Variants in ADGRB3 observed in about 807,000 individuals in gnomAD.
ADGRB3 encodes the protein brain-specific angiogenesis inhibitor 3.
ADGRB3 carries 37 observed loss-of-function variants against 193.4 expected under a neutral mutation model. The ratio of observed to expected loss-of-function variants is 0.19; its 90% CI spans 0.15 to 0.25. The LOEUF (loss-of-function observed/expected upper bound fraction) is 0.25. Among genes scored for constraint, ADGRB3 ranks in the 10% least tolerant of loss-of-function variants. The probability of loss-of-function intolerance (pLI) is 1.00; values close to 1 mark genes in which losing one functional copy is unlikely to be tolerated. For missense variants in ADGRB3, 1,637 were observed against 1,852.9 expected, an observed-to-expected ratio of 0.88 and a Z score of 2.14; for synonymous variants, 690 against 644.2, an observed-to-expected ratio of 1.07 and a Z score of -1.08.
intron 20 of ADGRB3, among the ~76,000 whole-genome samples, chr6:69,297,122 G>A (rs1467073666): frequency 2.6e-5 from 4 of 152,008 alleles, no homozygotes; most frequent in African/African-American, 7.2e-5. Context: ...ATAAGAGTTT[G>A]GTCAGCAACC....
At position 68,932,265 on chromosome 6, in the gene ADGRB3, T is replaced by C. The variant is rs555538046; in HGVS notation, c.868+1596T>C. ...CAATAGGAAGTGAAATGGAAAATGA[T>C]AGTTTTAAATTTCCAATAGCGTAAC... On this transcript the variant is annotated intron_variant, in intron 4 of 31. Coordinates refer to ENST00000370598, the MANE Select transcript of ADGRB3 (RefSeq NM_001704.3). 4.6e-5 allele frequency among the ~76,000 whole-genome samples: 7 copies of C among 152,306 alleles called. No individual in the cohort carries two copies. In the South Asian group the frequency reaches 1.2e-3, roughly 27 times the overall value.
At position 69,062,966 on chromosome 6, in the gene ADGRB3, TG is replaced by T; in HGVS notation, c.2368del (p.Val790SerfsTer3). The part of the protein sequence containing the change: ...NYTVINSKII[V>X]VTIRPEPKTT... ...ACTGTCATTAATTCCAAAATCATCG[TG>T]GTCACAATAAGGCCTGAACCCAAAA... On this transcript the variant is annotated frameshift_variant, in exon 16 of 32. Coordinates refer to ENST00000370598, the MANE Select transcript of ADGRB3 (RefSeq NM_001704.3). LOFTEE classifies it high-confidence loss of function. 6.2e-7 allele frequency: 1 copy of T among 1,612,020 alleles called. No individual in the cohort carries two copies. Among genetic ancestry groups the T allele is most frequent in the South Asian group, 1.1e-5 (1 of 90,974 alleles).
At chr6:69,206,481 T>C (rs1765544111) in intron 17 of ADGRB3, among the ~76,000 whole-genome samples, 1 of 152,212 alleles carries the variant, frequency 6.6e-6, no homozygotes, top group South Asian at 2.1e-4. Context: ...CTTTGTCAAC[T>C]TGAACCCATA....
At chr6:68,768,343 A>G (rs1443118380) in intron 3 of ADGRB3, among the ~76,000 whole-genome samples, 1 of 152,178 alleles carries the variant, frequency 6.6e-6, no homozygotes, top group East Asian at 1.9e-4. Context: ...CAAAACAGAT[A>G]TCTAGACCAA....
At chr6:68,803,972 A>C (rs1038866933) in intron 3 of ADGRB3, among the ~76,000 whole-genome samples, 1 of 152,148 alleles carries the variant, frequency 6.6e-6, no homozygotes, top group Non-Finnish European at 1.5e-5. Flanking sequence ...AATATTGCTC[A>C]CACTTGATTT....
At chr6:69,227,246 G>T (rs1313074676) in intron 17 of ADGRB3, among the ~76,000 whole-genome samples, 1 of 152,142 alleles carries the variant, frequency 6.6e-6, no homozygotes, top group Non-Finnish European at 1.5e-5. Flanking sequence ...AGTTGGGAGT[G>T]GTGGGCGAAT....
intron 17 of ADGRB3, among the ~76,000 whole-genome samples, chr6:69,192,313 G>A (rs963875320): frequency 1.3e-5 from 2 of 152,080 alleles, no homozygotes; most frequent in African/African-American, 2.4e-5. Flanking sequence ...GTGGATGCAC[G>A]GGAGAAAGAT....
intron 28 of ADGRB3, among the ~76,000 whole-genome samples, chr6:69,359,067 A>G (rs952548218): frequency 6.6e-6 from 1 of 151,726 alleles, no homozygotes; most frequent in Non-Finnish European, 1.5e-5. Context: ...CACAGTACCA[A>G]TACTTCCTTT....
intron 3 of ADGRB3, among the ~76,000 whole-genome samples, chr6:68,756,920 G>A (rs1481246625): frequency 6.6e-6 from 1 of 152,050 alleles, no homozygotes; most frequent in Non-Finnish European, 1.5e-5. Flanking sequence ...AGCAGAGTTG[G>A]CAGTGCTGTT....
intron 11 of ADGRB3, among the ~76,000 whole-genome samples, chr6:68,996,258 T>G (rs762096774): frequency 2.0e-5 from 3 of 152,180 alleles, no homozygotes; most frequent in Non-Finnish European, 2.9e-5. Context: ...CCTCTCTCTT[T>G]CCACTACTGT....
intron 3 of ADGRB3, among the ~76,000 whole-genome samples, chr6:68,853,996 T>A (rs1038716736): frequency 6.6e-6 from 1 of 152,198 alleles, no homozygotes; most frequent in East Asian, 1.9e-4. Context: ...TAATTCTTAA[T>A]TCTGCACTGC....
intron 3 of ADGRB3, among the ~76,000 whole-genome samples, chr6:68,924,871 T>C (rs1582319468): frequency 6.6e-6 from 1 of 151,940 alleles, no homozygotes; most frequent in East Asian, 1.9e-4. Flanking sequence ...TTTCTACTAT[T>C]TTTAATATTG....
intron 3 of ADGRB3, among the ~76,000 whole-genome samples, chr6:68,811,350 T>C (rs188842720): frequency 5.8e-4 from 88 of 152,336 alleles, no homozygotes; most frequent in Non-Finnish European, 1.0e-3. Flanking sequence ...TAAGTTTATA[T>C]ATAACATAAG....
chr6:69,207,023 C>G (rs575732009), intron 17 of ADGRB3, among the ~76,000 whole-genome samples: 33 of 152,316 alleles, frequency 2.2e-4, no homozygotes, highest in Non-Finnish European at 4.3e-4. Context: ...CTGACCTCCA[C>G]TGTGGAGTAG....
chr6:69,044,042 AAAAAACAAAAAC>A (rs899792598), intron 13 of ADGRB3, among the ~76,000 whole-genome samples: 1 of 152,150 alleles, frequency 6.6e-6, no homozygotes, highest in South Asian at 2.1e-4. Context: ...CTCCGTCTCA[AAAAAACAAAAAC>A]AAAAACAAAA....
Position 68,786,902 on chromosome 6 carries a change from TTC to T in ADGRB3, c.758-143653_758-143652del, listed in dbSNP as rs574741811. Among the ~76,000 whole-genome samples the T allele has an allele frequency of 2.3e-3, 352 of 152,148 alleles. 1 individual carries two copies. The highest frequency in any genetic ancestry group is 8.1e-3 in the African/African-American group (335 of 41,492). On this transcript the variant is annotated intron_variant, in intron 3 of 31. Coordinates refer to ENST00000370598, the MANE Select transcript of ADGRB3 (RefSeq NM_001704.3). ...GTAAGTTGGATTCCTAGGTATTTTA[TTC>T]TCTTTGAGGCAATTGTGAATGGGCG...
chr6:68,643,474 C>T (rs574749155), intron 3 of ADGRB3, among the ~76,000 whole-genome samples: 2 of 116,646 alleles, frequency 1.7e-5, no homozygotes, highest in East Asian at 5.0e-4. Flanking sequence ...ATGTCACTGC[C>T]AGGATGCCAT....
chr6:69,229,659 C>T lies in ADGRB3; in HGVS notation c.2481-3631C>T, dbSNP rs1313633615. ...AGATCAAAAGTATGATTTCTTGAAA[C>T]AGTTTTGAAATGTGTCACTATGAAT... On this transcript the variant is annotated intron_variant, in intron 17 of 31. Coordinates refer to ENST00000370598, the MANE Select transcript of ADGRB3 (RefSeq NM_001704.3). Among the ~76,000 whole-genome samples, 3 of 152,136 alleles carry T rather than the reference C, an allele frequency of 2.0e-5. 1 individual carries two copies. Among genetic ancestry groups the T allele is most frequent in the Non-Finnish European group, 4.4e-5 (3 of 67,996 alleles).
intron 3 of ADGRB3, among the ~76,000 whole-genome samples, chr6:68,837,530 T>C (rs1768068991): frequency 1.3e-5 from 2 of 152,212 alleles, no homozygotes; most frequent in Non-Finnish European, 2.9e-5. Context: ...CTGTAGAGTA[T>C]ATATCCTTTA....
Sources: gnomAD v4.1 joint callset for allele counts (sites outside exome capture counted in the v4.1 genomes callset) on GRCh38, gnomAD v4.1.1 for gene constraint, MANE v1.5 for transcripts, NCBI Gene and HGNC (gene_info 2026-07-23, HGNC 2026-07-21) for gene names.